The following CPEB3 variants were observed in gnomAD, a reference collection of about 807,000 sequenced individuals.
CPEB3 encodes cytoplasmic polyadenylation element binding protein 3, also known as cytoplasmic polyadenylation element-binding protein 3.
A neutral mutation model predicts 67.2 loss-of-function variants in CPEB3; 20 were observed. The ratio of observed to expected loss-of-function variants is 0.30; its 90% CI spans 0.21 to 0.43. The LOEUF is 0.43. Among genes scored for constraint, CPEB3 ranks in the 20% least tolerant of loss-of-function variants. CPEB3 has a pLI of 1.00. For missense variants in CPEB3, 746 were observed against 968.6 expected (o/e 0.77, Z 3.05); for synonymous variants, 376 against 393.1 (o/e 0.96, Z 0.51).
intron 9 of CPEB3, among the ~76,000 whole-genome samples, chr10:92,056,840 G>T (rs1029375618): frequency 2.0e-5 from 3 of 152,182 alleles, no homozygotes; most frequent in Non-Finnish European, 4.4e-5. Context: ...GAAGAGAGGA[G>T]AAGAAAAAGT....
chr10:92,124,699 T>C (rs1845534391), intron 6 of CPEB3, among the ~76,000 whole-genome samples: 1 of 152,188 alleles, frequency 6.6e-6, no homozygotes, highest in Admixed American at 6.5e-5. Context: ...CTTCCCAACT[T>C]GATCAGTTTA....
chr10:92,120,708 CT>C (rs916860979), intron 6 of CPEB3, among the ~76,000 whole-genome samples: 36 of 149,516 alleles, frequency 2.4e-4, no homozygotes, highest in African/African-American at 7.8e-4. Flanking sequence ...GTCTACAATT[CT>C]TTTTTTTTTG....
intron 4 of CPEB3, among the ~76,000 whole-genome samples, chr10:92,170,541 A>C (rs115494455): frequency 8.2e-4 from 125 of 152,288 alleles, no homozygotes; most frequent in African/African-American, 2.9e-3. Context: ...ACAGCATTCC[A>C]CTAAGAATAA....
chr10:92,216,498 A>G (rs1850406359), intron 2 of CPEB3: 1 of 1,612,958 alleles, frequency 6.2e-7, no homozygotes, highest in Non-Finnish European at 8.5e-7. Context: ...AAAGCGGTGA[A>G]GCAGAAGCAG....
chr10:92,061,773 C>T (rs1217996056), intron 9 of CPEB3, among the ~76,000 whole-genome samples: 1 of 152,064 alleles, frequency 6.6e-6, no homozygotes, highest in East Asian at 1.9e-4. Flanking sequence ...TTTCATATCA[C>T]AACAGGGTGA....
intron 2 of CPEB3, chr10:92,216,296 C>A: frequency 1.3e-6 from 2 of 1,557,934 alleles, no homozygotes; most frequent in South Asian, 1.2e-5. Context: ...TTTGGCTGGG[C>A]AGCCTCCCTG....
chr10:92,288,339 A>G (rs1302643393), intron 1 of CPEB3, among the ~76,000 whole-genome samples: 1 of 151,770 alleles, frequency 6.6e-6, no homozygotes, highest in Non-Finnish European at 1.5e-5. Flanking sequence ...GCGCCCCTGT[A>G]GTCCTAGCTA....
At chr10:92,105,225 T>C (rs1241055895) in intron 7 of CPEB3, among the ~76,000 whole-genome samples, 1 of 152,242 alleles carries the variant, frequency 6.6e-6, no homozygotes, top group Non-Finnish European at 1.5e-5. Flanking sequence ...TGGGCCAAGA[T>C]AAAATTATAG....
intron 1 of CPEB3, among the ~76,000 whole-genome samples, chr10:92,281,105 G>C (rs1590613890): frequency 6.6e-6 from 1 of 151,728 alleles, no homozygotes; most frequent in Non-Finnish European, 1.5e-5. Flanking sequence ...TATCTTTGGA[G>C]AAATGTCTTT....
intron 6 of CPEB3, among the ~76,000 whole-genome samples, chr10:92,120,735 C>G (rs767194239): frequency 2.2e-4 from 33 of 151,924 alleles, no homozygotes; most frequent in Non-Finnish European, 4.0e-4. Context: ...GAGTCTTACT[C>G]TGTTGCCCAG....
At chr10:92,232,274 C>T (rs529107196) in intron 2 of CPEB3, among the ~76,000 whole-genome samples, 16 of 151,142 alleles carry the variant, frequency 1.1e-4, no homozygotes, top group African/African-American at 3.6e-4. Context: ...AGGTTGGTCT[C>T]GAACTCCTGA....
intron 1 of CPEB3, among the ~76,000 whole-genome samples, chr10:92,285,305 C>T (rs1469508247): frequency 1.3e-5 from 2 of 152,166 alleles, no homozygotes; most frequent in East Asian, 3.8e-4. Context: ...CAGTGTCACT[C>T]GGTTGCCCAG....
chr10:92,062,483 T>A (rs1475458853), intron 9 of CPEB3, among the ~76,000 whole-genome samples: 1 of 152,132 alleles, frequency 6.6e-6, no homozygotes. Flanking sequence ...ACATGACTAG[T>A]ATTTATGGAG....
intron 7 of CPEB3, among the ~76,000 whole-genome samples, chr10:92,096,213 T>TA (rs1347170873): frequency 6.6e-6 from 1 of 152,010 alleles, no homozygotes; most frequent in African/African-American, 2.4e-5. Context: ...GTAACAATAA[T>TA]ACAAATTTTA....
intron 6 of CPEB3, among the ~76,000 whole-genome samples, chr10:92,117,454 C>T (rs1368492416): frequency 2.7e-5 from 4 of 150,704 alleles, no homozygotes; most frequent in African/African-American, 9.8e-5. Flanking sequence ...CTCAGCCTCC[C>T]GAGTAGCTGG....
chr10:92,165,615 ATATCTT>A (rs1348606199), intron 4 of CPEB3, among the ~76,000 whole-genome samples: 1 of 152,180 alleles, frequency 6.6e-6, no homozygotes, highest in African/African-American at 2.4e-5. Flanking sequence ...CCATAGTAGA[ATATCTT>A]TCAAAACTGG....
chr10:92,214,462 A>C (rs1288058717), intron 2 of CPEB3, among the ~76,000 whole-genome samples: 2 of 152,140 alleles, frequency 1.3e-5, no homozygotes, highest in African/African-American at 2.4e-5. Context: ...TGTTACAGCA[A>C]CACAAATGAA....
At chr10:92,206,173 G>A (rs1363617236) in intron 2 of CPEB3, among the ~76,000 whole-genome samples, 1 of 151,264 alleles carries the variant, frequency 6.6e-6, no homozygotes, top group Non-Finnish European at 1.5e-5. Flanking sequence ...CCGGGTTCAA[G>A]AGATTCTCCT....
intron 1 of CPEB3, among the ~76,000 whole-genome samples, chr10:92,260,492 A>C (rs993000318): frequency 6.6e-6 from 1 of 151,104 alleles, no homozygotes. Context: ...CAGAGGTTTC[A>C]GTGAGCCGGG....
Sources: gnomAD v4.1 joint callset for allele counts (sites outside exome capture counted in the v4.1 genomes callset) on GRCh38, gnomAD v4.1.1 for gene constraint, MANE v1.5 for transcripts, NCBI Gene and HGNC (gene_info 2026-07-23, HGNC 2026-07-21) for gene names.